The following MYO5A variants were observed in gnomAD, a reference collection of about 807,000 sequenced individuals.
MYO5A encodes the protein unconventional myosin-Va.
In MYO5A, 98 loss-of-function variants were observed where a neutral mutation model predicts 249.7. The ratio of observed to expected loss-of-function variants is 0.39; its 90% CI spans 0.33 to 0.46. The LOEUF (loss-of-function observed/expected upper bound fraction) is 0.46, where lower values mean the gene tolerates loss of function less well. Among genes scored for constraint, MYO5A ranks in the 20% least tolerant of loss-of-function variants. The pLI is 0.98. For missense variants in MYO5A, 1,696 were observed against 2,308.8 expected (o/e 0.73, Z 5.44); for synonymous variants, 778 against 810.6 (o/e 0.96, Z 0.68).
Position 52,418,160 on chromosome 15 carries a change from GC to G in MYO5A, c.456-1860del, listed in dbSNP as rs1007579829. ...TGGAAAGAGCAGATAACTCAGCTTA[GC>G]TGGAAAATGGAGTAATGACAGATTT... On this transcript the variant is annotated intron_variant, in intron 4 of 41. Coordinates refer to ENST00000399233, the MANE Select transcript of MYO5A (RefSeq NM_001382347.1). 7.9e-5 allele frequency among the ~76,000 whole-genome samples: 12 copies of G among 152,310 alleles called. 3 individuals are homozygous for G. Among genetic ancestry groups the G allele is most frequent in the East Asian group, 1.9e-4 (1 of 5,174 alleles).
At chr15:52,463,483 A>G (rs1157804332) in intron 1 of MYO5A, among the ~76,000 whole-genome samples, 3 of 152,178 alleles carry the variant, frequency 2.0e-5, no homozygotes, top group Non-Finnish European at 4.4e-5. Context: ...TTATTATTAT[A>G]AAATTTCATT....
intron 1 of MYO5A, among the ~76,000 whole-genome samples, chr15:52,487,688 C>T (rs1013610649): frequency 2.0e-5 from 3 of 149,084 alleles, no homozygotes; most frequent in Non-Finnish European, 3.0e-5. Context: ...CATGCCACTG[C>T]ACTCCAGCCT....
intron 1 of MYO5A, among the ~76,000 whole-genome samples, chr15:52,512,640 C>G (rs1488157319): frequency 2.0e-5 from 3 of 151,772 alleles, no homozygotes; most frequent in African/African-American, 7.3e-5. Context: ...AAAATTCTAC[C>G]CTGGGCATTT....
chr15:52,313,243 A>G lies in MYO5A; in HGVS notation c.*453T>C, dbSNP rs561006453. On this transcript the variant is annotated 3_prime_UTR_variant, in exon 42 of 42. Coordinates refer to ENST00000399233, the MANE Select transcript of MYO5A (RefSeq NM_001382347.1). ...CATAATTGATTACTAAACTGACATG[A>G]TATGTACTCAATGGAGACTTTTCTT... 3 of 184,278 alleles carry G rather than the reference A, an allele frequency of 1.6e-5. No homozygotes were observed. Among genetic ancestry groups the G allele is most frequent in the African/African-American group, 7.1e-5 (3 of 42,088 alleles). The allele number at this position is 184,278 out of a possible 1,614,324, so 11.4% of individuals were successfully genotyped here.
At chr15:52,440,963 G>A (rs149317178) in intron 1 of MYO5A, among the ~76,000 whole-genome samples, 1 of 152,262 alleles carries the variant, frequency 6.6e-6, no homozygotes, top group Admixed American at 6.5e-5. Context: ...TTGCAAAAAT[G>A]AGTGCTTTAT....
intron 25 of MYO5A, among the ~76,000 whole-genome samples, chr15:52,357,775 G>C (rs746614740): frequency 2.0e-5 from 3 of 152,194 alleles, no homozygotes; most frequent in Non-Finnish European, 4.4e-5. Context: ...ATCTGTCACA[G>C]AGAAGTTTCT....
chr15:52,468,789 A>G (rs2076401461), intron 1 of MYO5A, among the ~76,000 whole-genome samples: 1 of 152,252 alleles, frequency 6.6e-6, no homozygotes, highest in Non-Finnish European at 1.5e-5. Flanking sequence ...TATATTGGTG[A>G]TGGAATCAAC....
At chr15:52,367,005 G>A in intron 23 of MYO5A, 26 bp downstream of exon 23, 1 of 1,572,978 alleles carries the variant, frequency 6.4e-7, no homozygotes, top group Non-Finnish European at 8.8e-7. Context: ...AGGTTGGTTG[G>A]CGTGTAGTAC....
At chr15:52,438,262 G>A (rs959324141) in intron 1 of MYO5A, among the ~76,000 whole-genome samples, 25 of 152,144 alleles carry the variant, frequency 1.6e-4, no homozygotes, top group South Asian at 2.1e-4. Flanking sequence ...AGTCACATCC[G>A]GTGAGAAGAC....
At chr15:52,506,121 G>A (rs2077265361) in intron 1 of MYO5A, among the ~76,000 whole-genome samples, 1 of 152,134 alleles carries the variant, frequency 6.6e-6, no homozygotes, top group Non-Finnish European at 1.5e-5. Flanking sequence ...GGAGGCCGAG[G>A]CAGGCAGATC....
chr15:52,403,755 G>A (rs1031073529), intron 9 of MYO5A, among the ~76,000 whole-genome samples: 5 of 152,190 alleles, frequency 3.3e-5, no homozygotes, highest in African/African-American at 1.2e-4. Context: ...TAGAAGAAAT[G>A]AGGGTTTAAA....
intron 1 of MYO5A, among the ~76,000 whole-genome samples, chr15:52,437,353 G>T (rs895840576): frequency 6.6e-6 from 1 of 152,138 alleles, no homozygotes; most frequent in African/African-American, 2.4e-5. Context: ...CCAGCTCTTT[G>T]GGAGGCTTAG....
intron 10 of MYO5A, 99 bp from the exon 11 acceptor site, chr15:52,396,496 T>G: frequency 1.4e-6 from 1 of 704,776 alleles, no homozygotes; most frequent in Non-Finnish European, 2.5e-6. Flanking sequence ...AGTGGGACAT[T>G]CCCCAACATT....
At chr15:52,315,997 G>A (rs987603482) in intron 40 of MYO5A, among the ~76,000 whole-genome samples, 2 of 151,994 alleles carry the variant, frequency 1.3e-5, no homozygotes, top group Non-Finnish European at 2.9e-5. Flanking sequence ...CACTTTGGGA[G>A]GCTGAGGCGG....
chr15:52,408,598 T>C (rs1254632275), intron 6 of MYO5A, among the ~76,000 whole-genome samples: 3 of 152,260 alleles, frequency 2.0e-5, no homozygotes, highest in African/African-American at 7.2e-5. Context: ...GTCACAAATG[T>C]ACATCTTCTA....
At position 52,425,982 on chromosome 15, in the gene MYO5A, T is replaced by C. The variant is rs1465541139; in HGVS notation, c.311-8A>G. The C allele has an allele frequency of 2.5e-6, 4 of 1,611,546 alleles. No homozygotes were observed. The highest frequency in any genetic ancestry group is 2.7e-5 in the African/African-American group (2 of 74,846). ...TAGCTACTAGGACTATACCTGGGAA[T>C]AGGGTAGGGGACAAGAAAGAAAAAG... is the stretch of plus-strand genomic sequence containing the variant. On this transcript the variant is annotated splice_region_variant and splice_polypyrimidine_tract_variant and intron_variant, in intron 3 of 41. Coordinates refer to ENST00000399233, the MANE Select transcript of MYO5A (RefSeq NM_001382347.1).
chr15:52,423,970 T>C (rs1255672673), intron 4 of MYO5A, among the ~76,000 whole-genome samples: 1 of 152,280 alleles, frequency 6.6e-6, no homozygotes, highest in Non-Finnish European at 1.5e-5. Context: ...CAAAGAGTCA[T>C]ATAATTCTCT....
At chr15:52,459,085 C>T (rs575153833) in intron 1 of MYO5A, among the ~76,000 whole-genome samples, 1 of 147,610 alleles carries the variant, frequency 6.8e-6, no homozygotes, top group African/African-American at 2.5e-5. Context: ...CTGCAACTTC[C>T]GCCTCCCAGG....
chr15:52,487,348 CA>C (rs1248000489), intron 1 of MYO5A, among the ~76,000 whole-genome samples: 2 of 151,230 alleles, frequency 1.3e-5, no homozygotes, highest in African/African-American at 2.4e-5. Flanking sequence ...GACAGGAGGT[CA>C]AGACTGCAGT....
Sources: allele counts gnomAD v4.1 joint callset (sites outside exome capture counted in the v4.1 genomes callset), GRCh38; gene constraint gnomAD v4.1.1; transcripts MANE v1.5; gene names NCBI Gene and HGNC (gene_info 2026-07-23, HGNC 2026-07-21).